TNR: variants seen among roughly 807,000 people sequenced by gnomAD.
TNR encodes the protein tenascin-R.
Under a neutral mutation model 150.4 loss-of-function variants are expected in TNR, and 45 were observed. That is an observed-to-expected ratio of 0.30 (90% CI 0.24 to 0.38). TNR has a LOEUF of 0.38. TNR is among the 10% of genes least tolerant of loss of function. The pLI, the probability that TNR is intolerant of heterozygous loss-of-function variation, is 1.00. For missense variants in TNR, 1,544 were observed against 1,759.1 expected, an observed-to-expected ratio of 0.88 and a Z score of 2.19; for synonymous variants, 687 against 678.4, an observed-to-expected ratio of 1.01 and a Z score of -0.20.
chr1:175,656,899 A>G (rs926784290), intron 1 of TNR, among the ~76,000 whole-genome samples: 39 of 152,204 alleles, frequency 2.6e-4, no homozygotes, highest in African/African-American at 9.4e-4. Context: ...GATTGGAAGT[A>G]TATAGGTGTG....
At chr1:175,537,392 G>A (rs1015130722) in intron 1 of TNR, among the ~76,000 whole-genome samples, 10 of 152,136 alleles carry the variant, frequency 6.6e-5, no homozygotes, top group African/African-American at 2.2e-4. Context: ...CTCTTGTAGG[G>A]CAGGTAATTG....
chr1:175,393,928 G>T, intron 5 of TNR, 33 bp from the exon 6 acceptor site: 1 of 1,530,874 alleles, frequency 6.5e-7, no homozygotes, highest in Non-Finnish European at 9.1e-7. Context: ...ACAATGTCAT[G>T]GCTAACCCTT....
chr1:175,608,818 A>T (rs1218986477), intron 1 of TNR, among the ~76,000 whole-genome samples: 1 of 152,356 alleles, frequency 6.6e-6, no homozygotes, highest in South Asian at 2.1e-4. Flanking sequence ...CAAGACACCA[A>T]TTTTAACCTG....
At chr1:175,656,525 G>A (rs1665183927) in intron 1 of TNR, 1 of 152,310 alleles carries the variant, frequency 6.6e-6, no homozygotes, top group South Asian at 2.1e-4. Context: ...TGTTTGCTGA[G>A]GTGCCCTGTG....
chr1:175,572,237 T>TTCATTAATTTGC (rs1661903927), intron 1 of TNR, among the ~76,000 whole-genome samples: 1 of 152,188 alleles, frequency 6.6e-6, no homozygotes, highest in South Asian at 2.1e-4. Context: ...CCACTGCCAT[T>TTCATTAATTTGC]TCATTCATTT....
chr1:175,453,029 T>A (rs1656395822), intron 2 of TNR, among the ~76,000 whole-genome samples: 1 of 152,072 alleles, frequency 6.6e-6, no homozygotes, highest in Non-Finnish European at 1.5e-5. Flanking sequence ...TGGAGACAGA[T>A]GGTGGTCACG....
rs574954744 is a variant in TNR, at chr1:175,437,751, T to C, written c.-63-30974A>G. Among the ~76,000 whole-genome samples the C allele has an allele frequency of 6.4e-3, 975 of 152,254 alleles. 8 individuals carry two copies. The highest frequency in any genetic ancestry group is 0.022 in the African/African-American group (917 of 41,536). The stretch of plus-strand genomic sequence containing the variant: ...ACCATTAGAGAATACTATAAACACC[T>C]CTACACAAATAAACTAGAAAATCTA... On this transcript the variant is annotated intron_variant, in intron 2 of 22. Transcript: ENST00000367674.
intron 2 of TNR, among the ~76,000 whole-genome samples, chr1:175,421,499 C>T (rs1183447215): frequency 6.6e-6 from 1 of 152,090 alleles, no homozygotes; most frequent in African/African-American, 2.4e-5. Context: ...GATTATTTTC[C>T]ATGTTATATT....
At chr1:175,504,000 C>T (rs933348165) in intron 2 of TNR, among the ~76,000 whole-genome samples, 9 of 152,194 alleles carry the variant, frequency 5.9e-5, no homozygotes, top group African/African-American at 2.2e-4. Flanking sequence ...AGTGCAGCCT[C>T]ATGGCGGATG....
At chr1:175,644,345 C>T (rs988230587) in intron 1 of TNR, among the ~76,000 whole-genome samples, 3 of 152,176 alleles carry the variant, frequency 2.0e-5, no homozygotes, top group Admixed American at 1.3e-4. Flanking sequence ...ATCAAGAATA[C>T]GTTTCTCTAT....
At chr1:175,715,081 C>A (rs951322124) in intron 1 of TNR, among the ~76,000 whole-genome samples, 2 of 152,200 alleles carry the variant, frequency 1.3e-5, no homozygotes, top group Admixed American at 1.3e-4. Flanking sequence ...CTGTGGAAAA[C>A]AGACACATAA....
At chr1:175,736,874 A>T (rs1390495456) in intron 1 of TNR, among the ~76,000 whole-genome samples, 2 of 152,038 alleles carry the variant, frequency 1.3e-5, no homozygotes, top group African/African-American at 4.8e-5. Flanking sequence ...TCAAAAAATT[A>T]GCTGGGCATG....
intron 15 of TNR, 126 bp from the exon 16 acceptor site, chr1:175,356,588 T>C (rs1294794773): frequency 1.3e-5 from 14 of 1,091,614 alleles, no homozygotes; most frequent in South Asian, 6.5e-5. Flanking sequence ...CTTTCATAGG[T>C]TATCTAGCTT....
chr1:175,650,170 C>T (rs897467645), intron 1 of TNR, among the ~76,000 whole-genome samples: 2 of 151,854 alleles, frequency 1.3e-5, no homozygotes, highest in Non-Finnish European at 2.9e-5. Context: ...TCCTGGGAGG[C>T]CAGGAGTTCA....
intron 1 of TNR, among the ~76,000 whole-genome samples, chr1:175,604,633 C>T (rs1663355065): frequency 6.6e-6 from 1 of 152,190 alleles, no homozygotes. Context: ...TATCTTTATG[C>T]CATCCTCTCT....
chr1:175,464,868 T>C (rs935863201), intron 2 of TNR, among the ~76,000 whole-genome samples: 5 of 152,130 alleles, frequency 3.3e-5, no homozygotes, highest in African/African-American at 1.2e-4. Flanking sequence ...ATGCAGGGCT[T>C]AAGGAGTTTC....
intron 2 of TNR, among the ~76,000 whole-genome samples, chr1:175,431,321 A>G (rs1655250454): frequency 6.6e-6 from 1 of 152,218 alleles, no homozygotes; most frequent in South Asian, 2.1e-4. Flanking sequence ...GAAACAATAG[A>G]CATGTTCTCA....
At chr1:175,673,668 C>T (rs12564779) in intron 1 of TNR, among the ~76,000 whole-genome samples, 1 of 152,194 alleles carries the variant, frequency 6.6e-6, no homozygotes, top group African/African-American at 2.4e-5. Context: ...GCCTCACAAT[C>T]GAAGTGAGTA....
At chr1:175,642,697 C>T (rs780492322) in intron 1 of TNR, among the ~76,000 whole-genome samples, 2 of 152,008 alleles carry the variant, frequency 1.3e-5, no homozygotes, top group Non-Finnish European at 2.9e-5. Flanking sequence ...TTTGGGAGGC[C>T]AAGATAGGAG....
Sources: gnomAD v4.1 joint callset for allele counts (sites outside exome capture counted in the v4.1 genomes callset) on GRCh38, gnomAD v4.1.1 for gene constraint, MANE v1.5 for transcripts, NCBI Gene and HGNC (gene_info 2026-07-23, HGNC 2026-07-21) for gene names.